The following CEP128 variants were observed in gnomAD, a reference collection of about 807,000 sequenced individuals.
The protein encoded by CEP128 is centrosomal protein 128, also known as centrosomal protein 128kDa.
Under a neutral mutation model 156.7 loss-of-function variants are expected in CEP128, and 132 were observed. The ratio of observed to expected loss-of-function variants is 0.84; its 90% CI spans 0.73 to 0.97. CEP128 has a LOEUF of 0.97. Among genes scored for constraint, CEP128 ranks in the 50% least tolerant of loss-of-function variants. The pLI is 0.00. For synonymous variants in CEP128, 469 were observed against 448.9 expected (o/e 1.04, Z -0.57); for missense variants, 1,252 against 1,281.9 (o/e 0.98, Z 0.36).
At chr14:80,560,351 G>A (rs540916533) in intron 20 of CEP128, among the ~76,000 whole-genome samples, 2 of 152,262 alleles carry the variant, frequency 1.3e-5, no homozygotes, top group East Asian at 3.9e-4. Context: ...CTTGAACCCA[G>A]GAATCAGAGG....
chr14:80,840,381 C>G (rs1031339058), intron 10 of CEP128, among the ~76,000 whole-genome samples: 1 of 152,118 alleles, frequency 6.6e-6, no homozygotes, highest in Non-Finnish European at 1.5e-5. Context: ...AATGACAGGT[C>G]TTTTCTAACC....
chr14:80,823,607 G>GAA (rs1007683883), intron 13 of CEP128, among the ~76,000 whole-genome samples: 200 of 125,046 alleles, frequency 1.6e-3, no homozygotes, highest in African/African-American at 4.9e-3. Context: ...TTTGGCTTGG[G>GAA]AAAAAAAAAA....
intron 19 of CEP128, among the ~76,000 whole-genome samples, chr14:80,733,539 G>A (rs973460344): frequency 6.6e-6 from 1 of 152,002 alleles, no homozygotes; most frequent in Non-Finnish European, 1.5e-5. Flanking sequence ...TAGTGGACAA[G>A]GAAATGGGAG....
At chr14:80,890,030 C>T (rs1265161674) in intron 8 of CEP128, among the ~76,000 whole-genome samples, 1 of 152,152 alleles carries the variant, frequency 6.6e-6, no homozygotes, top group Non-Finnish European at 1.5e-5. Flanking sequence ...TGAAAAAAAG[C>T]TCACCATCAC....
At chr14:80,751,953 C>T (rs905700279) in intron 18 of CEP128, among the ~76,000 whole-genome samples, 1 of 151,970 alleles carries the variant, frequency 6.6e-6, no homozygotes, top group Non-Finnish European at 1.5e-5. Context: ...TAAACCTTTG[C>T]AGTTGAGTAG....
chr14:80,913,867 A>G lies in CEP128; in HGVS notation c.234+455T>C, dbSNP rs2139491229. On this transcript the variant is annotated intron_variant, in intron 4 of 24. Coordinates refer to ENST00000555265, the MANE Select transcript of CEP128 (RefSeq NM_152446.5). The stretch of plus-strand genomic sequence containing the variant: ...GTGCACTAAAATCCCAGACTTCATC[A>G]CTATACAATTCATCCATGAAACCAA... Among the ~76,000 whole-genome samples, 4 of 152,370 alleles carry G rather than the reference A, an allele frequency of 2.6e-5. No individual in the cohort carries two copies. In the South Asian group the frequency reaches 8.3e-4, roughly 32 times the overall value.
intron 13 of CEP128, among the ~76,000 whole-genome samples, chr14:80,811,556 T>G (rs1884533334): frequency 6.6e-6 from 1 of 152,170 alleles, no homozygotes; most frequent in Non-Finnish European, 1.5e-5. Flanking sequence ...ACCTGTTGCT[T>G]TATTTTAAAA....
intron 19 of CEP128, among the ~76,000 whole-genome samples, chr14:80,643,836 A>C (rs1894523677): frequency 6.6e-6 from 1 of 152,310 alleles, no homozygotes. Flanking sequence ...CAGATAGTTC[A>C]GCTCACACTA....
chr14:80,732,055 C>T (rs1898297926), intron 19 of CEP128, among the ~76,000 whole-genome samples: 1 of 152,054 alleles, frequency 6.6e-6, no homozygotes, highest in Non-Finnish European at 1.5e-5. Context: ...TCCATTTATC[C>T]ATCCACCCAT....
downstream of CEP128, among the ~76,000 whole-genome samples, chr14:80,492,249 G>A (rs1887349309): frequency 6.6e-6 from 1 of 152,170 alleles, no homozygotes; most frequent in African/African-American, 2.4e-5. Context: ...TATAAATACT[G>A]TATTAAAAAT....
intron 8 of CEP128, among the ~76,000 whole-genome samples, chr14:80,895,410 T>G (rs1315190848): frequency 2.0e-5 from 3 of 152,162 alleles, no homozygotes; most frequent in African/African-American, 7.2e-5. Context: ...CCAGTAAAAC[T>G]TAAATTATCT....
At chr14:80,708,440 T>G (rs1897295846) in intron 19 of CEP128, among the ~76,000 whole-genome samples, 1 of 152,282 alleles carries the variant, frequency 6.6e-6, no homozygotes, top group South Asian at 2.1e-4. Flanking sequence ...ATATCACCTC[T>G]TGTCTGTGAT....
chr14:80,624,085 C>G (rs969903089), intron 19 of CEP128, among the ~76,000 whole-genome samples: 4 of 152,134 alleles, frequency 2.6e-5, no homozygotes, highest in Non-Finnish European at 5.9e-5. Flanking sequence ...TCCCCTTCCT[C>G]AATCTTCACA....
chr14:80,906,804 A>G (rs1883905746), intron 4 of CEP128, among the ~76,000 whole-genome samples: 1 of 152,244 alleles, frequency 6.6e-6, no homozygotes, highest in Non-Finnish European at 1.5e-5. Context: ...TGAGAAGAGG[A>G]TTCGACTAAG....
In CEP128 at chr14:80,958,989, C is replaced by T. The variant is rs1348694832; in HGVS notation, c.-280+443G>A. Among the ~76,000 whole-genome samples the T allele has an allele frequency of 5.9e-5, 9 of 152,080 alleles. 1 individual carries two copies. Among genetic ancestry groups the T allele is most frequent in the African/African-American group, 2.2e-4 (9 of 41,380 alleles). Reference sequence around the variant, plus strand: ...GACATTTTACAAATTATGATGGTGCCGAGAACAACTCTTTCTAAACTTTAT... The same window carrying T: ...GACATTTTACAAATTATGATGGTGCTGAGAACAACTCTTTCTAAACTTTAT... On this transcript the variant is annotated intron_variant, in intron 1 of 7. Coordinates refer to the CEP128 transcript ENST00000555529.
chr14:80,544,416 C>T (rs1048069220), intron 21 of CEP128, among the ~76,000 whole-genome samples: 3 of 152,152 alleles, frequency 2.0e-5, no homozygotes, highest in South Asian at 4.1e-4. Context: ...TGAGGACCTG[C>T]TTCCTAGCTT....
At chr14:80,566,288 A>T (rs1254492181) in intron 20 of CEP128, among the ~76,000 whole-genome samples, 1 of 152,052 alleles carries the variant, frequency 6.6e-6, no homozygotes, top group African/African-American at 2.4e-5. Context: ...AAATATATAT[A>T]TTTTTTCTCC....
chr14:80,582,463 AG>A (rs1891633016), intron 19 of CEP128, among the ~76,000 whole-genome samples: 2 of 152,198 alleles, frequency 1.3e-5, no homozygotes, highest in African/African-American at 4.8e-5. Flanking sequence ...AGATATAGGT[AG>A]CATGAGCTAA....
At chr14:80,876,618 A>G (rs1365785710) in intron 8 of CEP128, among the ~76,000 whole-genome samples, 1 of 152,014 alleles carries the variant, frequency 6.6e-6, no homozygotes, top group Non-Finnish European at 1.5e-5. Flanking sequence ...AAAAGCATCA[A>G]TAAGACTAGT....
Sources: allele counts gnomAD v4.1 joint callset (sites outside exome capture counted in the v4.1 genomes callset), GRCh38; gene constraint gnomAD v4.1.1; transcripts MANE v1.5; gene names NCBI Gene and HGNC (gene_info 2026-07-23, HGNC 2026-07-21).